DST: variants seen among roughly 807,000 people sequenced by gnomAD.
DST encodes bullous pemphigoid antigen.
Under a neutral mutation model 875.2 loss-of-function variants are expected in DST, and 253 were observed. The observed-to-expected ratio is 0.29, with a 90% CI of 0.26 to 0.32. The LOEUF is 0.32. Among genes scored for constraint, DST ranks in the 10% least tolerant of loss-of-function variants. The pLI is 1.00. For missense variants in DST, 8,287 were observed against 9,111.6 expected (o/e 0.91, Z 3.68); for synonymous variants, 3,124 against 3,197.1 (o/e 0.98, Z 0.77).
chr6:56,952,532 T>C (rs991701421), intron 2 of DST, among the ~76,000 whole-genome samples: 3 of 152,226 alleles, frequency 2.0e-5, no homozygotes, highest in African/African-American at 7.2e-5. Flanking sequence ...AATTAAGTAA[T>C]TTAATAAAGA....
intron 9 of DST, among the ~76,000 whole-genome samples, chr6:56,691,265 G>A (rs2099226768): frequency 6.6e-6 from 1 of 152,116 alleles, no homozygotes; most frequent in Admixed American, 6.6e-5. Flanking sequence ...TTATGACAGA[G>A]CTACATAGAT....
chr6:56,517,993 A>T (rs1413290470), intron 69 of DST, among the ~76,000 whole-genome samples: 1 of 152,000 alleles, frequency 6.6e-6, no homozygotes, highest in African/African-American at 2.4e-5. Context: ...CATCACTTCA[A>T]CTCCTATGAT....
chr6:56,941,446 G>A (rs999500002), intron 2 of DST, among the ~76,000 whole-genome samples: 5 of 151,902 alleles, frequency 3.3e-5, no homozygotes, highest in East Asian at 1.9e-4. Flanking sequence ...GTCTGTCTTC[G>A]TGAATGAGTC....
chr6:56,560,113 A>C (rs1019339880), intron 58 of DST, among the ~76,000 whole-genome samples, 181 bp downstream of exon 58: 8 of 152,162 alleles, frequency 5.3e-5, no homozygotes, highest in Admixed American at 3.9e-4. Context: ...AAAACATAAG[A>C]TATGCCAATT....
intron 4 of DST, among the ~76,000 whole-genome samples, chr6:56,850,594 A>G (rs1029198425): frequency 3.9e-5 from 6 of 152,094 alleles, no homozygotes; most frequent in Non-Finnish European, 1.5e-5. Flanking sequence ...TCCAAGAAAG[A>G]AAGAAAAAAA....
intron 80 of DST, among the ~76,000 whole-genome samples, chr6:56,499,937 A>T (rs2096065354): frequency 6.6e-6 from 1 of 152,194 alleles, no homozygotes; most frequent in Non-Finnish European, 1.5e-5. Flanking sequence ...TTAAATAATG[A>T]AACAAGCTTC....
chr6:56,901,366 C>T lies in DST; in HGVS notation c.217-745G>A, dbSNP rs138617083. On this transcript the variant is annotated intron_variant, in intron 2 of 103. Transcript: ENST00000680361. ...ATCCCAGCACTTTGGGAGGCCAAGG[C>T]GGGTGGATCACCTGAGGTCAGGAGT... 9.3e-3 allele frequency among the ~76,000 whole-genome samples: 1,420 copies of T among 152,248 alleles called. 23 individuals carry two copies. Among genetic ancestry groups the T allele is most frequent in the African/African-American group, 0.032 (1,327 of 41,554 alleles).
At chr6:56,572,714 T>C (rs2097795976) in intron 52 of DST, 33 bp downstream of exon 52, 1 of 1,485,992 alleles carries the variant, frequency 6.7e-7, no homozygotes, top group Admixed American at 2.3e-5. Context: ...TTAATCTATC[T>C]GATTAGCCTC....
rs1225358182 is a variant in DST at position 56,654,649 on chromosome 6, TATAG to T, written c.1215-3409_1215-3406del. 4.6e-5 allele frequency among the ~76,000 whole-genome samples: 7 copies of T among 150,868 alleles called. No homozygotes were observed. In the East Asian group the frequency reaches 9.8e-4, roughly 21 times the overall value. Reference sequence around the variant, plus strand: ...ATATACAGGTATGTTGGCATTTATGTATAGATAGATAGATATATGGATATAGTAT... The same window carrying T: ...ATATACAGGTATGTTGGCATTTATGTATAGATAGATATATGGATATAGTAT... On this transcript the variant is annotated intron_variant, in intron 10 of 103. Coordinates refer to ENST00000680361, the MANE Select transcript of DST (RefSeq NM_001374736.1).
At chr6:56,780,096 G>A (rs2099689667) in intron 4 of DST, among the ~76,000 whole-genome samples, 1 of 151,824 alleles carries the variant, frequency 6.6e-6, no homozygotes, top group Non-Finnish European at 1.5e-5. Flanking sequence ...TGGTGCATAT[G>A]TGCCACATAT....
chr6:56,514,317 C>T (rs933648077), intron 72 of DST, among the ~76,000 whole-genome samples: 1 of 152,118 alleles, frequency 6.6e-6, no homozygotes, highest in African/African-American at 2.4e-5. Flanking sequence ...ACATACTTGT[C>T]TTTCTCCTGC....
intron 2 of DST, among the ~76,000 whole-genome samples, chr6:56,948,387 G>A (rs1035399236): frequency 6.6e-6 from 1 of 152,208 alleles, no homozygotes; most frequent in Non-Finnish European, 1.5e-5. Flanking sequence ...TGGCAATACA[G>A]TTGACGGTAA....
chr6:56,609,399 G>A, intron 39 of DST, 55 bp from the exon 40 acceptor site: 1 of 1,283,908 alleles, frequency 7.8e-7, no homozygotes, highest in Non-Finnish European at 1.1e-6. Context: ...GGTGGGCGGA[G>A]TTTCATGCAA....
At chr6:56,464,821 G>T in intron 99 of DST, 65 bp from the exon 100 acceptor site, 1 of 1,256,140 alleles carries the variant, frequency 8.0e-7, no homozygotes, top group Non-Finnish European at 1.1e-6. Context: ...AAGAAACAAA[G>T]TACAGTAGTT....
At chr6:56,705,035 C>T (rs1231161930) in intron 5 of DST, among the ~76,000 whole-genome samples, 1 of 152,196 alleles carries the variant, frequency 6.6e-6, no homozygotes, top group African/African-American at 2.4e-5. Context: ...TTTCCCCGTT[C>T]CACAGGCCTG....
intron 4 of DST, among the ~76,000 whole-genome samples, chr6:56,738,423 C>T (rs543423763): frequency 6.6e-6 from 1 of 152,230 alleles, no homozygotes; most frequent in East Asian, 1.9e-4. Context: ...CAGGTGCAAG[C>T]GATTCTCCTG....
At chr6:56,673,478 A>G (rs1021141685) in intron 9 of DST, among the ~76,000 whole-genome samples, 3 of 152,194 alleles carry the variant, frequency 2.0e-5, no homozygotes, top group African/African-American at 4.8e-5. Flanking sequence ...CAAAAGCATT[A>G]CCTGTTAACT....
At chr6:56,513,133 A>G (rs1270484776) in intron 72 of DST, among the ~76,000 whole-genome samples, 2 of 152,080 alleles carry the variant, frequency 1.3e-5, no homozygotes, top group African/African-American at 4.8e-5. Flanking sequence ...AAAATGCTAC[A>G]TCTCTGCTGA....
At chr6:56,780,947 T>C (rs998358014) in intron 4 of DST, among the ~76,000 whole-genome samples, 1 of 152,196 alleles carries the variant, frequency 6.6e-6, no homozygotes, top group African/African-American at 2.4e-5. Flanking sequence ...CTACATATGG[T>C]TGCCAGTTTT....
Sources: allele counts gnomAD v4.1 joint callset (sites outside exome capture counted in the v4.1 genomes callset), GRCh38; gene constraint gnomAD v4.1.1; transcripts MANE v1.5; gene names NCBI Gene and HGNC (gene_info 2026-07-23, HGNC 2026-07-21).